The following GRID1 variants were observed in gnomAD, a reference collection of about 807,000 sequenced individuals.
GRID1 encodes the protein glutamate receptor ionotropic, delta-1.
Under a neutral mutation model 98.0 loss-of-function variants are expected in GRID1, and 28 were observed. The observed-to-expected ratio is 0.29, with a 90% confidence interval of 0.21 to 0.39. GRID1 has a LOEUF of 0.39. Among genes scored for constraint, GRID1 ranks in the 10% least tolerant of loss-of-function variants. The pLI, the probability that GRID1 is intolerant of heterozygous loss-of-function variation, is 1.00. For synonymous variants in GRID1, 553 were observed against 538.5 expected, an observed-to-expected ratio of 1.03 and a Z score of -0.37; for missense variants, 1,111 against 1,340.5, an observed-to-expected ratio of 0.83 and a Z score of 2.67.
intron 4 of GRID1, among the ~76,000 whole-genome samples, chr10:86,134,076 C>G (rs142460889): frequency 1.3e-5 from 2 of 152,334 alleles, no homozygotes; most frequent in African/African-American, 4.8e-5. Flanking sequence ...GGTGAAAGGA[C>G]AAAGCCCTGG....
chr10:86,066,339 G>C (rs1843720076), intron 4 of GRID1, among the ~76,000 whole-genome samples: 1 of 152,162 alleles, frequency 6.6e-6, no homozygotes, highest in African/African-American at 2.4e-5. Context: ...ATCCAGGAGT[G>C]ATAATAAGAA....
At chr10:85,829,603 T>C (rs999268000) in intron 8 of GRID1, among the ~76,000 whole-genome samples, 2 of 152,106 alleles carry the variant, frequency 1.3e-5, no homozygotes, top group Non-Finnish European at 2.9e-5. Flanking sequence ...TCTGCAAAGT[T>C]TTAGGATACA....
At chr10:86,111,282 C>T (rs1844478474) in intron 4 of GRID1, among the ~76,000 whole-genome samples, 1 of 152,140 alleles carries the variant, frequency 6.6e-6, no homozygotes, top group Admixed American at 6.5e-5. Context: ...GTTTTTAATT[C>T]CCTACTAAAA....
intron 5 of GRID1, among the ~76,000 whole-genome samples, chr10:85,888,983 C>T (rs1841156584): frequency 6.6e-6 from 1 of 152,156 alleles, no homozygotes; most frequent in Non-Finnish European, 1.5e-5. Context: ...TTATCAATTG[C>T]TAACCTTACT....
At chr10:85,870,932 TTTTGAAAATC>T (rs919411630) in intron 5 of GRID1, among the ~76,000 whole-genome samples, 124 of 152,194 alleles carry the variant, frequency 8.1e-4, no homozygotes, top group African/African-American at 2.9e-3. Context: ...AGATTTACAT[TTTTGAAAATC>T]TCTGACTGCG....
intron 8 of GRID1, among the ~76,000 whole-genome samples, chr10:85,849,040 C>A (rs560864564): frequency 6.6e-6 from 1 of 152,300 alleles, no homozygotes; most frequent in African/African-American, 2.4e-5. Flanking sequence ...CCCATATCCC[C>A]CTCCTCACTG....
chr10:86,164,264 C>T (rs1031192989), intron 3 of GRID1, among the ~76,000 whole-genome samples: 2 of 152,302 alleles, frequency 1.3e-5, no homozygotes, highest in Admixed American at 1.3e-4. Context: ...GGAACAGCAG[C>T]CCAGGAACCA....
intron 8 of GRID1, among the ~76,000 whole-genome samples, chr10:85,820,168 AAAGAG>A (rs1206050176): frequency 6.6e-6 from 1 of 151,778 alleles, no homozygotes; most frequent in East Asian, 1.9e-4. Flanking sequence ...AGAAAGAAAG[AAAGAG>A]AAAAGAAAAG....
intron 2 of GRID1, among the ~76,000 whole-genome samples, chr10:86,361,952 C>T (rs1345319840): frequency 3.3e-5 from 5 of 152,192 alleles, no homozygotes; most frequent in Non-Finnish European, 5.9e-5. Context: ...GCAAGAGCAT[C>T]ATGTTTAGTC....
At chr10:85,887,847 T>C (rs575207829) in intron 5 of GRID1, among the ~76,000 whole-genome samples, 145 of 152,262 alleles carry the variant, frequency 9.5e-4, no homozygotes, top group African/African-American at 3.1e-3. Context: ...TCCTTATCCA[T>C]CTAACTTAAA....
intron 4 of GRID1, among the ~76,000 whole-genome samples, chr10:86,026,604 C>T (rs118142843): frequency 2.8e-3 from 423 of 152,292 alleles, no homozygotes; most frequent in Non-Finnish European, 4.2e-3. Flanking sequence ...ATGTCAGTGA[C>T]AAAAACCTAA....
At chr10:85,913,358 CA>C (rs1192055369) in intron 5 of GRID1, among the ~76,000 whole-genome samples, 1 of 152,236 alleles carries the variant, frequency 6.6e-6, no homozygotes, top group Non-Finnish European at 1.5e-5. Context: ...TGACCTTGAA[CA>C]AGTGATTTAA....
intron 5 of GRID1, among the ~76,000 whole-genome samples, chr10:85,878,589 C>G (rs964025905): frequency 1.3e-3 from 191 of 152,190 alleles, no homozygotes; most frequent in African/African-American, 4.1e-3. Context: ...TTGTCACCAC[C>G]AGGCCTGCCC....
chr10:85,882,205 G>A (rs892290550), intron 5 of GRID1, among the ~76,000 whole-genome samples: 11 of 152,300 alleles, frequency 7.2e-5, no homozygotes, highest in African/African-American at 2.6e-4. Flanking sequence ...CATTGTGGAA[G>A]TCAGTGTGGC....
intron 8 of GRID1, among the ~76,000 whole-genome samples, chr10:85,840,572 C>T (rs1269987114): frequency 6.6e-6 from 1 of 152,010 alleles, no homozygotes; most frequent in Non-Finnish European, 1.5e-5. Flanking sequence ...TGATATGATC[C>T]TATATTTAGA....
intron 4 of GRID1, among the ~76,000 whole-genome samples, chr10:86,056,281 G>A (rs996547492): frequency 2.0e-5 from 3 of 152,214 alleles, no homozygotes; most frequent in Non-Finnish European, 4.4e-5. Context: ...TGATGCTGAA[G>A]ACCAGATGAT....
At chr10:85,724,012 A>C (rs189869518) in intron 11 of GRID1, among the ~76,000 whole-genome samples, 1 of 152,318 alleles carries the variant, frequency 6.6e-6, no homozygotes, top group Admixed American at 6.5e-5. Context: ...CCATTAAGTC[A>C]TCAAATTTAA....
intron 12 of GRID1, among the ~76,000 whole-genome samples, chr10:85,660,542 G>T (rs919359326): frequency 6.6e-6 from 1 of 151,962 alleles, no homozygotes; most frequent in Admixed American, 6.6e-5. Context: ...TTAGGACTCT[G>T]GGAGGTAAGG....
intron 12 of GRID1, among the ~76,000 whole-genome samples, chr10:85,722,183 T>C (rs1403776866): frequency 2.0e-5 from 3 of 152,154 alleles, no homozygotes; most frequent in Admixed American, 1.3e-4. Context: ...TTAAGAGCTA[T>C]GGATCAAAAG....
Sources: allele counts gnomAD v4.1 joint callset (sites outside exome capture counted in the v4.1 genomes callset), GRCh38; gene constraint gnomAD v4.1.1; transcripts MANE v1.5; gene names NCBI Gene and HGNC (gene_info 2026-07-23, HGNC 2026-07-21).